COL26A1: variants seen among roughly 807,000 people sequenced by gnomAD.
COL26A1 encodes collagen type XXVI alpha 1 chain.
Under a neutral mutation model 59.3 loss-of-function variants are expected in COL26A1, and 41 were observed. The observed-to-expected ratio is 0.69, with a 90% CI of 0.54 to 0.90. The LOEUF is 0.90. Among genes scored for constraint, COL26A1 ranks in the 40% least tolerant of loss-of-function variants. COL26A1 has a pLI of 0.00. For synonymous variants in COL26A1, 266 were observed against 256.0 expected (o/e 1.04, Z -0.37); for missense variants, 612 against 602.3 (o/e 1.02, Z -0.17).
intron 3 of COL26A1, among the ~76,000 whole-genome samples, chr7:101,459,052 G>T (rs1011410912): frequency 6.6e-6 from 1 of 152,072 alleles, no homozygotes; most frequent in African/African-American, 2.4e-5. Flanking sequence ...GGCCTCAAGC[G>T]ATCCTCCCAC....
At chr7:101,555,905 C>T in intron 12 of COL26A1, 34 bp downstream of exon 12, 2 of 1,535,736 alleles carry the variant, frequency 1.3e-6, no homozygotes, top group African/African-American at 1.4e-5. Context: ...GGCTGGGAAT[C>T]TCTCTCCCCT....
chr7:101,434,036 C>T (rs1225351883), intron 2 of COL26A1, among the ~76,000 whole-genome samples: 2 of 115,670 alleles, frequency 1.7e-5, no homozygotes, highest in Non-Finnish European at 3.4e-5. Context: ...TGATTACTCC[C>T]TTCCCTTCCC....
chr7:101,367,953 A>G (rs1160471848), intron 1 of COL26A1, among the ~76,000 whole-genome samples: 1 of 151,660 alleles, frequency 6.6e-6, no homozygotes, highest in African/African-American at 2.4e-5. Flanking sequence ...TTAAATATTC[A>G]GCAGAACACC....
At chr7:101,541,194 C>G (rs1242411422) in intron 5 of COL26A1, among the ~76,000 whole-genome samples, 5 of 152,164 alleles carry the variant, frequency 3.3e-5, no homozygotes, top group Non-Finnish European at 5.9e-5. Context: ...CCCAGCCTTG[C>G]TGGGTTCAAT....
intron 2 of COL26A1, among the ~76,000 whole-genome samples, chr7:101,434,183 CTTCTCTCTCTCT>C (rs1792857068): frequency 8.8e-5 from 10 of 113,132 alleles, no homozygotes; most frequent in African/African-American, 3.2e-4. Context: ...TCCTTCCTTC[CTTCTCTCTCTCT>C]CTCTCTCCCG....
intron 3 of COL26A1, among the ~76,000 whole-genome samples, chr7:101,491,450 GAATT>G (rs1298173980): frequency 3.9e-5 from 6 of 152,132 alleles, no homozygotes; most frequent in Non-Finnish European, 5.9e-5. Flanking sequence ...ACACAAGAAA[GAATT>G]GAGGGCAAGT....
intron 6 of COL26A1, among the ~76,000 whole-genome samples, chr7:101,544,867 T>G (rs534807811): frequency 7.0e-4 from 107 of 152,236 alleles, no homozygotes; most frequent in Non-Finnish European, 9.7e-4. Context: ...GGTACAGGCA[T>G]GAGCATCGAG....
intron 6 of COL26A1, among the ~76,000 whole-genome samples, chr7:101,545,122 C>A (rs1795703972): frequency 6.6e-6 from 1 of 152,138 alleles, no homozygotes; most frequent in African/African-American, 2.4e-5. Flanking sequence ...CAAGCTGCCA[C>A]TAAGTGTCCC....
intron 1 of COL26A1, among the ~76,000 whole-genome samples, chr7:101,407,621 G>C (rs1177776426): frequency 9.9e-5 from 15 of 151,844 alleles, no homozygotes; most frequent in Admixed American, 9.9e-4. Flanking sequence ...TCCTCAGTGA[G>C]GTAGGAGATG....
chr7:101,429,351 T>C (rs558842434), intron 2 of COL26A1, among the ~76,000 whole-genome samples: 1 of 152,256 alleles, frequency 6.6e-6, no homozygotes, highest in Non-Finnish European at 1.5e-5. Context: ...TATGGATGCC[T>C]AATTGTTCTA....
chr7:101,479,491 T>C (rs946789408), intron 3 of COL26A1, among the ~76,000 whole-genome samples: 1 of 152,230 alleles, frequency 6.6e-6, no homozygotes, highest in Non-Finnish European at 1.5e-5. Context: ...AAAGATTTAC[T>C]GAAGGTGTCT....
intron 1 of COL26A1, among the ~76,000 whole-genome samples, chr7:101,371,499 A>T (rs13238944): frequency 0.59 from 89,247 of 150,332 alleles, 28,603 homozygotes; most frequent in African/African-American, 0.85. Context: ...AAAAAAAAAA[A>T]TTAAAAAATT....
intron 3 of COL26A1, among the ~76,000 whole-genome samples, chr7:101,491,816 C>T (rs1412959517): frequency 6.6e-6 from 1 of 152,176 alleles, no homozygotes; most frequent in Non-Finnish European, 1.5e-5. Flanking sequence ...CTTGTGCTGA[C>T]CTCCTATCTC....
chr7:101,423,959 C>T (rs1294647561), intron 2 of COL26A1, among the ~76,000 whole-genome samples: 1 of 151,772 alleles, frequency 6.6e-6, no homozygotes, highest in Non-Finnish European at 1.5e-5. Flanking sequence ...GTCCCAGTTA[C>T]ATAGGAGGCT....
intron 1 of COL26A1, among the ~76,000 whole-genome samples, chr7:101,415,064 G>T (rs1226172216): frequency 6.6e-6 from 1 of 152,086 alleles, no homozygotes; most frequent in Non-Finnish European, 1.5e-5. Flanking sequence ...GTAACCAGTT[G>T]ATTAAGAATG....
chr7:101,422,344 A>G (rs1056370209), intron 2 of COL26A1, among the ~76,000 whole-genome samples: 17 of 143,392 alleles, frequency 1.2e-4, no homozygotes, highest in Admixed American at 6.5e-4. Flanking sequence ...TAAATGCTAT[A>G]CTAGAGAGAT....
chr7:101,498,997 C>T (rs868126363), intron 3 of COL26A1, among the ~76,000 whole-genome samples: 2 of 152,210 alleles, frequency 1.3e-5, no homozygotes, highest in Non-Finnish European at 2.9e-5. Context: ...TTGGAGCTCA[C>T]GTTCCCTGAA....
chr7:101,540,398 C>T (rs545271066), intron 5 of COL26A1, among the ~76,000 whole-genome samples: 5 of 151,176 alleles, frequency 3.3e-5, no homozygotes, highest in South Asian at 2.1e-4. Context: ...ATTAGCCAGG[C>T]GTGGAGGCAG....
At chr7:101,447,624 G>A in intron 2 of COL26A1, 60 bp from the exon 3 acceptor site, 1 of 1,166,724 alleles carries the variant, frequency 8.6e-7, no homozygotes, top group Non-Finnish European at 1.2e-6. Context: ...CTTTGCAGCA[G>A]TGGGGTCTGG....
Sources: gnomAD v4.1 joint callset for allele counts (sites outside exome capture counted in the v4.1 genomes callset) on GRCh38, gnomAD v4.1.1 for gene constraint, MANE v1.5 for transcripts, NCBI Gene and HGNC (gene_info 2026-07-23, HGNC 2026-07-21) for gene names.